Variants in PDE11A observed in about 807,000 individuals in gnomAD.
PDE11A encodes dual 3',5'-cyclic-AMP and -GMP phosphodiesterase 11A.
Under a neutral mutation model 100.5 loss-of-function variants are expected in PDE11A, and 100 were observed. The observed-to-expected ratio is 1.00, with a 90% CI of 0.85 to 1.18. The LOEUF is 1.18. Among genes scored for constraint, PDE11A ranks in the 50% most tolerant of loss-of-function variants. The probability of loss-of-function intolerance (pLI) is 0.00; values close to 1 mark genes in which losing one functional copy is unlikely to be tolerated. For synonymous variants in PDE11A, 381 were observed against 420.8 expected (o/e 0.91, Z 1.16); for missense variants, 1,141 against 1,152.6 (o/e 0.99, Z 0.15).
At chr2:177,669,090 T>C (rs933741230) in intron 18 of PDE11A, among the ~76,000 whole-genome samples, 6 of 152,240 alleles carry the variant, frequency 3.9e-5, no homozygotes, top group African/African-American at 1.2e-4. Flanking sequence ...GATTTGCTTT[T>C]GGGATTTTGA....
intron 2 of PDE11A, among the ~76,000 whole-genome samples, chr2:177,930,071 C>T (rs948703571): frequency 6.6e-6 from 1 of 152,090 alleles, no homozygotes; most frequent in Admixed American, 6.5e-5. Context: ...CTTTAGATTT[C>T]TCATTGCTCA....
intron 2 of PDE11A, among the ~76,000 whole-genome samples, chr2:177,969,117 AGG>A (rs2085736250): frequency 6.6e-6 from 1 of 152,238 alleles, no homozygotes; most frequent in Non-Finnish European, 1.5e-5. Flanking sequence ...TGTCCTTTGC[AGG>A]GACATGAATG....
intron 1 of PDE11A, among the ~76,000 whole-genome samples, chr2:178,047,433 A>G (rs1298309168): frequency 1.3e-5 from 2 of 151,640 alleles, no homozygotes; most frequent in Admixed American, 1.3e-4. Context: ...ACTGCACTAC[A>G]GCCTGGGCCA....
intron 12 of PDE11A, among the ~76,000 whole-genome samples, chr2:177,725,693 T>C (rs750335494): frequency 2.0e-4 from 31 of 152,284 alleles, no homozygotes; most frequent in Non-Finnish European, 2.8e-4. Context: ...TCTATTCTCT[T>C]CAATTTCTTG....
In PDE11A at chr2:177,703,870, C is replaced by T. The variant is rs141896814; in HGVS notation, c.2154-2659G>A. ...CTGTGCGTAGGATGGAGGCCTCTCT[C>T]CCATATCCATATGTCTCCGATCTGG... On this transcript the variant is annotated intron_variant, in intron 13 of 19. Coordinates refer to ENST00000286063, the MANE Select transcript of PDE11A (RefSeq NM_016953.4). Among the ~76,000 whole-genome samples the T allele has an allele frequency of 7.2e-3, 1,101 of 152,326 alleles. 10 individuals are homozygous for T. The highest frequency in any genetic ancestry group is 0.011 in the Non-Finnish European group (727 of 68,030).
chr2:177,705,494 G>A (rs2081265402), intron 13 of PDE11A, among the ~76,000 whole-genome samples: 1 of 152,140 alleles, frequency 6.6e-6, no homozygotes, highest in South Asian at 2.1e-4. Flanking sequence ...ACATACTAAA[G>A]CTTTTCATTT....
intron 5 of PDE11A, among the ~76,000 whole-genome samples, chr2:177,874,171 C>G (rs1392146524): frequency 1.3e-5 from 2 of 152,112 alleles, no homozygotes; most frequent in Non-Finnish European, 2.9e-5. Flanking sequence ...ATCTAAGTGA[C>G]CTTGTCCTTG....
chr2:177,944,313 A>G (rs1224051680), intron 2 of PDE11A, among the ~76,000 whole-genome samples: 1 of 152,246 alleles, frequency 6.6e-6, no homozygotes, highest in Admixed American at 6.5e-5. Context: ...TATAACCAAA[A>G]TAACCAAAAA....
At chr2:177,791,383 G>A (rs1574146337) in intron 9 of PDE11A, among the ~76,000 whole-genome samples, 2 of 118,158 alleles carry the variant, frequency 1.7e-5, no homozygotes, top group Non-Finnish European at 1.6e-5. Context: ...TCTGGGGACT[G>A]TTGTCGGGTG....
intron 1 of PDE11A, among the ~76,000 whole-genome samples, chr2:178,070,708 G>A (rs2087115119): frequency 6.6e-6 from 1 of 152,166 alleles, no homozygotes; most frequent in African/African-American, 2.4e-5. Flanking sequence ...AGAGCATGTT[G>A]GGTTTCCTTT....
intron 4 of PDE11A, 81 bp downstream of exon 4, chr2:177,897,977 T>C: frequency 8.3e-7 from 1 of 1,206,892 alleles, no homozygotes; most frequent in East Asian, 2.3e-5. Flanking sequence ...CAAGTCACAA[T>C]TTCACAAGTT....
At chr2:177,652,623 A>G (rs1329657482) in intron 19 of PDE11A, among the ~76,000 whole-genome samples, 3 of 152,158 alleles carry the variant, frequency 2.0e-5, no homozygotes, top group Non-Finnish European at 4.4e-5. Flanking sequence ...ATGGGACTAT[A>G]CGCATGAGAC....
intron 5 of PDE11A, among the ~76,000 whole-genome samples, chr2:177,864,318 G>C (rs2083994206): frequency 6.6e-6 from 1 of 152,042 alleles, no homozygotes; most frequent in Non-Finnish European, 1.5e-5. Flanking sequence ...TATTGTATGT[G>C]GAATTCATGC....
intron 2 of PDE11A, among the ~76,000 whole-genome samples, chr2:177,944,425 T>C (rs1034176718): frequency 6.6e-6 from 1 of 152,212 alleles, no homozygotes; most frequent in Non-Finnish European, 1.5e-5. Flanking sequence ...TTGCAACAGA[T>C]AGGGTGCCCT....
At chr2:177,905,236 C>T (rs1245222923) in intron 2 of PDE11A, 49 bp from the exon 3 acceptor site, 1 of 1,008,534 alleles carries the variant, frequency 9.9e-7, no homozygotes, top group South Asian at 1.3e-5. Context: ...AACATTGATA[C>T]ATCCCTTGTA....
chr2:177,663,802 A>C, intron 19 of PDE11A, 64 bp downstream of exon 19: 1 of 933,258 alleles, frequency 1.1e-6, no homozygotes, highest in Non-Finnish European at 1.8e-6. Context: ...AGTGCTTTTG[A>C]GAAATACACA....
At position 178,072,167 on chromosome 2, in the gene PDE11A, C is replaced by T. The variant is rs866762484; in HGVS notation, c.271G>A (p.Gly91Arg). 4 of 1,613,836 alleles carry T rather than the reference C, an allele frequency of 2.5e-6. No individual in the cohort carries two copies. The highest frequency in any genetic ancestry group is 3.4e-6 in the Non-Finnish European group (4 of 1,179,864). ...SAHSQPLPGG[G>R]DCGGVPLSPS... ...CTCAAGGGAACCCCACCACAGTCCC[C>T]GCCACCGGGAAGGGGCTGGCTGTGG... Residue 91 changes from glycine (G) to arginine (R), a missense_variant, in exon 1 of 20, where the codon GGG (glycine) becomes AGG (arginine). Physicochemically the swap from Gly to Arg is moderately radical, Grantham distance 125. Coordinates refer to ENST00000286063, the MANE Select transcript of PDE11A (RefSeq NM_016953.4).
chr2:177,984,747 T>C (rs1305091288), intron 2 of PDE11A, among the ~76,000 whole-genome samples: 4 of 152,198 alleles, frequency 2.6e-5, no homozygotes, highest in Admixed American at 6.5e-5. Context: ...GCTCTCTCTA[T>C]TAATAAAGAG....
intron 5 of PDE11A, among the ~76,000 whole-genome samples, chr2:177,845,439 C>T (rs1447635628): frequency 1.3e-4 from 19 of 150,472 alleles, no homozygotes; most frequent in Middle Eastern, 3.5e-3. Flanking sequence ...GATGGGCGGC[C>T]GGGCAGAGAC....
Sources: allele counts gnomAD v4.1 joint callset (sites outside exome capture counted in the v4.1 genomes callset), GRCh38; gene constraint gnomAD v4.1.1; transcripts MANE v1.5; gene names NCBI Gene and HGNC (gene_info 2026-07-23, HGNC 2026-07-21).